Variants in STAG1 observed in about 807,000 individuals in gnomAD.
STAG1 encodes the protein cohesin subunit SA-1.
Under a neutral mutation model 170.9 loss-of-function variants are expected in STAG1, and 26 were observed. The observed-to-expected ratio is 0.15, with a 90% CI of 0.11 to 0.21. The LOEUF (loss-of-function observed/expected upper bound fraction) is 0.21, where lower values mean the gene tolerates loss of function less well. Ranked by LOEUF, STAG1 falls within the 10% of genes least tolerant of loss-of-function variation. The pLI is 1.00. For missense variants in STAG1, 964 were observed against 1,509.5 expected (o/e 0.64, Z 5.99); for synonymous variants, 514 against 497.7 (o/e 1.03, Z -0.44).
At chr3:136,520,346 T>C (rs1326201558) in intron 7 of STAG1, among the ~76,000 whole-genome samples, 4 of 152,090 alleles carry the variant, frequency 2.6e-5, no homozygotes, top group Admixed American at 2.6e-4. Flanking sequence ...CAAAATGAAA[T>C]GTAACTAATG....
intron 6 of STAG1, among the ~76,000 whole-genome samples, chr3:136,531,801 C>G (rs573335751): frequency 1.3e-5 from 2 of 150,220 alleles, no homozygotes; most frequent in African/African-American, 4.9e-5. Flanking sequence ...GGGAGATATA[C>G]CTAATGCTAG....
At chr3:136,582,518 G>A (rs1482011419) in intron 4 of STAG1, among the ~76,000 whole-genome samples, 1 of 152,232 alleles carries the variant, frequency 6.6e-6, no homozygotes, top group East Asian at 1.9e-4. Context: ...GCAATTCCAG[G>A]CTGGGCACGG....
intron 1 of STAG1, among the ~76,000 whole-genome samples, chr3:136,631,323 A>G (rs1278481029): frequency 6.6e-6 from 1 of 152,266 alleles, no homozygotes; most frequent in Non-Finnish European, 1.5e-5. Flanking sequence ...TACATACTGC[A>G]TGATTCCAAC....
Position 136,431,814 on chromosome 3 carries a change from T to C in STAG1, c.1650+1742A>G, listed in dbSNP as rs557751443. ...CTATTGCTACTGCCCTCTACATTAG[T>C]TGTTGATCTCTTGTTGCTTTCAAGA... is the stretch of plus-strand genomic sequence containing the variant. On this transcript the variant is annotated intron_variant, in intron 16 of 33. Coordinates refer to ENST00000383202, the MANE Select transcript of STAG1 (RefSeq NM_005862.3). 4.1e-5 allele frequency among the ~76,000 whole-genome samples: 6 copies of C among 147,982 alleles called. No individual in the cohort carries two copies. In the East Asian group the frequency reaches 8.3e-4, roughly 21 times the overall value.
At chr3:136,442,475 T>C (rs1345534803) in intron 15 of STAG1, among the ~76,000 whole-genome samples, 1 of 152,202 alleles carries the variant, frequency 6.6e-6, no homozygotes, top group Non-Finnish European at 1.5e-5. Flanking sequence ...TTAAGTAGCA[T>C]ATAAAAAGAT....
intron 1 of STAG1, among the ~76,000 whole-genome samples, chr3:136,654,158 A>C (rs1941300432): frequency 1.3e-5 from 2 of 152,334 alleles, no homozygotes; most frequent in African/African-American, 4.8e-5. Context: ...AAGAAAAAGA[A>C]ATTAAAATAA....
At chr3:136,586,293 TAC>T (rs1937818435) in intron 4 of STAG1, among the ~76,000 whole-genome samples, 1 of 151,760 alleles carries the variant, frequency 6.6e-6, no homozygotes, top group Non-Finnish European at 1.5e-5. Flanking sequence ...TCACAAACAC[TAC>T]AGTCATCTCT....
intron 7 of STAG1, chr3:136,518,112 A>T (rs1934476444): frequency 2.8e-6 from 1 of 353,544 alleles, no homozygotes; most frequent in East Asian, 4.2e-5. Context: ...AACACTGACA[A>T]CAGGGACACA....
intron 1 of STAG1, among the ~76,000 whole-genome samples, chr3:136,694,546 G>A (rs772993664): frequency 6.6e-4 from 101 of 151,914 alleles, no homozygotes; most frequent in Admixed American, 1.1e-3. Context: ...AGCCCAGGAG[G>A]TTGGGGCTAT....
chr3:136,352,775 T>C (rs893443582), intron 28 of STAG1, among the ~76,000 whole-genome samples: 6 of 152,220 alleles, frequency 3.9e-5, no homozygotes, highest in Admixed American at 3.9e-4. Flanking sequence ...TACATGATAT[T>C]ATCAAACTAT....
chr3:136,619,497 C>T (rs1003289043), intron 3 of STAG1, among the ~76,000 whole-genome samples: 4 of 151,862 alleles, frequency 2.6e-5, no homozygotes, highest in Admixed American at 2.6e-4. Flanking sequence ...GTGGCTCACG[C>T]CTGTAATCCC....
chr3:136,540,800 C>T (rs1384036689), intron 6 of STAG1, among the ~76,000 whole-genome samples: 7 of 92,610 alleles, frequency 7.6e-5, no homozygotes, highest in African/African-American at 2.7e-4. Flanking sequence ...CCAGTCTGGG[C>T]GACAGAGTGA....
intron 5 of STAG1, among the ~76,000 whole-genome samples, chr3:136,557,705 A>G (rs1936683712): frequency 6.6e-6 from 1 of 151,738 alleles, no homozygotes; most frequent in Admixed American, 6.6e-5. Context: ...ACCATGCCCA[A>G]TTTTTTTATT....
chr3:136,593,205 G>GGC (rs1938271443), intron 4 of STAG1, among the ~76,000 whole-genome samples: 1 of 152,194 alleles, frequency 6.6e-6, no homozygotes, highest in Non-Finnish European at 1.5e-5. Flanking sequence ...GATATAAACT[G>GGC]GAACAGTTCC....
rs182691967 is a variant in STAG1, at chr3:136,604,618, A to G, written c.133-145T>C. ...GTAATTCAAAAAAGTGCAAAGAGCA[A>G]AACATAAGTTTATACATAAAAGGTA... On this transcript the variant is annotated intron_variant, in intron 3 of 33. Coordinates refer to ENST00000383202, the MANE Select transcript of STAG1 (RefSeq NM_005862.3). 112 of 704,628 alleles carry G rather than the reference A, an allele frequency of 1.6e-4. 1 individual carries two copies. The South Asian group carries it at 2.0e-3, about 13-fold the overall frequency. 43.6% of individuals were successfully genotyped at this position (704,628 alleles called of 1,614,324 possible).
chr3:136,598,519 C>T (rs1379009799), intron 4 of STAG1, among the ~76,000 whole-genome samples: 1 of 151,946 alleles, frequency 6.6e-6, no homozygotes, highest in Non-Finnish European at 1.5e-5. Flanking sequence ...CTCCACCTCC[C>T]GGGTTCACGC....
intron 4 of STAG1, among the ~76,000 whole-genome samples, chr3:136,595,441 C>T (rs1938378179): frequency 6.6e-6 from 1 of 152,090 alleles, no homozygotes; most frequent in Non-Finnish European, 1.5e-5. Context: ...TAAATTTGAA[C>T]TTTCTACTTT....
At chr3:136,623,463 G>C (rs915827756) in intron 2 of STAG1, among the ~76,000 whole-genome samples, 1 of 152,108 alleles carries the variant, frequency 6.6e-6, no homozygotes, top group African/African-American at 2.4e-5. Flanking sequence ...GGGAAATGAA[G>C]AGGAAGAAAT....
At chr3:136,548,830 T>C (rs1255403534) in intron 5 of STAG1, among the ~76,000 whole-genome samples, 1 of 152,180 alleles carries the variant, frequency 6.6e-6, no homozygotes, top group Non-Finnish European at 1.5e-5. Context: ...GGTTGGATCA[T>C]GGGGATGGAT....
Sources: gnomAD v4.1 joint callset for allele counts (sites outside exome capture counted in the v4.1 genomes callset) on GRCh38, gnomAD v4.1.1 for gene constraint, MANE v1.5 for transcripts, NCBI Gene and HGNC (gene_info 2026-07-23, HGNC 2026-07-21) for gene names.